Variants in ARHGEF3 observed in about 807,000 individuals in gnomAD.
ARHGEF3 encodes the protein Rho guanine nucleotide exchange factor 3, also known as 59.8 kDA protein.
Under a neutral mutation model 63.2 loss-of-function variants are expected in ARHGEF3, and 28 were observed. That is an observed-to-expected ratio of 0.44 (90% CI 0.33 to 0.61). The LOEUF is 0.61. Among genes scored for constraint, ARHGEF3 ranks in the 20% least tolerant of loss-of-function variants. ARHGEF3 has a pLI of 0.03. For synonymous variants in ARHGEF3, 266 were observed against 254.2 expected, an observed-to-expected ratio of 1.05 and a Z score of -0.44; for missense variants, 533 against 659.3, an observed-to-expected ratio of 0.81 and a Z score of 2.10.
rs542390183 is a variant in ARHGEF3, at chr3:56,797,283, A to G, written c.96+4420T>C. Among the ~76,000 whole-genome samples the G allele has an allele frequency of 3.3e-5, 5 of 152,322 alleles. No individual in the cohort carries two copies. The South Asian group carries it at 1.0e-3, about 32-fold the overall frequency. ...GCATTAAATGTACACATGTAAAGTCAACATATTTTCCTCTTCTGTTGCTAG... is the reference window on the plus strand; with the variant it reads ...GCATTAAATGTACACATGTAAAGTCGACATATTTTCCTCTTCTGTTGCTAG... On this transcript the variant is annotated intron_variant, in intron 1 of 9. Coordinates refer to ENST00000296315, the MANE Select transcript of ARHGEF3 (RefSeq NM_019555.3).
chr3:57,068,566 T>C (rs574925855), intron 1 of ARHGEF3, among the ~76,000 whole-genome samples: 23 of 152,318 alleles, frequency 1.5e-4, no homozygotes, highest in Admixed American at 1.4e-3. Flanking sequence ...TGTGAGTGAT[T>C]TGTTAAGAAA....
Position 56,810,693 on chromosome 3 carries a change from C to CATTTATATTTATAGAGAAATAT in ARHGEF3, c.193-36878_193-36877insATATTTCTCTATAAATATAAAT, listed in dbSNP as rs1392401120. Among the ~76,000 whole-genome samples the CATTTATATTTATAGAGAAATAT allele has an allele frequency of 2.0e-5, 3 of 152,100 alleles. No individual in the cohort carries two copies. The East Asian group carries it at 5.8e-4, about 29-fold the overall frequency. On this transcript the variant is annotated intron_variant, in intron 4 of 12. Coordinates refer to the ARHGEF3 transcript ENST00000338458. ...TCTGGCCTGAATTTGAAAACCCATA[C>CATTTATATTTATAGAGAAATAT]ATTTATAGAGAAATGACTTCTGAGG...
chr3:56,804,601 A>G (rs891439938), upstream of ARHGEF3, among the ~76,000 whole-genome samples: 2 of 152,206 alleles, frequency 1.3e-5, no homozygotes, highest in Admixed American at 6.5e-5. Context: ...GGAGGTTCCA[A>G]CTGAAATTGA....
intron 4 of ARHGEF3, among the ~76,000 whole-genome samples, chr3:56,839,378 G>C (rs772423606): frequency 6.6e-6 from 1 of 151,722 alleles, no homozygotes; most frequent in Non-Finnish European, 1.5e-5. Context: ...TTACACTCCA[G>C]GTAACTCACA....
rs1051666473 is a variant in ARHGEF3, at chr3:56,859,532, C to T, written c.192+22760G>A. Among the ~76,000 whole-genome samples the T allele has an allele frequency of 5.3e-5, 8 of 150,508 alleles. No homozygotes were observed. The South Asian group carries it at 1.7e-3, about 32-fold the overall frequency. On this transcript the variant is annotated intron_variant, in intron 4 of 12. Transcript: ENST00000338458. ...CATCCCTCTTGCCACCCCCTTGGTA[C>T]ACCTTTTTTTTTTTTGAGACAGGGT...
At chr3:56,823,763 T>G (rs1352593470) in intron 4 of ARHGEF3, among the ~76,000 whole-genome samples, 1 of 152,116 alleles carries the variant, frequency 6.6e-6, no homozygotes, top group Non-Finnish European at 1.5e-5. Context: ...CAGCTTCTTA[T>G]GACAAAGCTT....
chr3:56,992,371 G>A (rs966601968), intron 2 of ARHGEF3, among the ~76,000 whole-genome samples: 4 of 81,708 alleles, frequency 4.9e-5, no homozygotes, highest in Non-Finnish European at 9.9e-5. Flanking sequence ...AGGGAGGATG[G>A]CTTTAAAAAA....
At chr3:56,854,190 A>G (rs1003857372) in intron 4 of ARHGEF3, among the ~76,000 whole-genome samples, 1 of 152,128 alleles carries the variant, frequency 6.6e-6, no homozygotes, top group Non-Finnish European at 1.5e-5. Flanking sequence ...GCGAGACTCC[A>G]TCTAAAAAAA....
At chr3:56,975,152 T>A (rs1701073800) in intron 2 of ARHGEF3, among the ~76,000 whole-genome samples, 1 of 152,150 alleles carries the variant, frequency 6.6e-6, no homozygotes, top group South Asian at 2.1e-4. Flanking sequence ...GTGCGGTGGC[T>A]CACACCTGTA....
In ARHGEF3 at chr3:56,878,428, G is replaced by A. The variant is rs745319266; in HGVS notation, c.192+3864C>T. On this transcript the variant is annotated intron_variant, in intron 4 of 12. Coordinates refer to the ARHGEF3 transcript ENST00000338458. ...CAGGAAGTTGGGGGCCCAGTCAGGG[G>A]ATTGGGTGAGGCGGTGGGAAAAAAT... 3.3e-5 allele frequency among the ~76,000 whole-genome samples: 5 copies of A among 152,340 alleles called. No homozygotes were observed. In the South Asian group the frequency reaches 8.3e-4, roughly 25 times the overall value.
chr3:57,037,498 C>T (rs1427620339), intron 1 of ARHGEF3, among the ~76,000 whole-genome samples: 1 of 152,230 alleles, frequency 6.6e-6, no homozygotes, highest in African/African-American at 2.4e-5. Context: ...CTTTGAGGGG[C>T]CACTGGCTAG....
intron 4 of ARHGEF3, among the ~76,000 whole-genome samples, chr3:56,844,430 T>C (rs911720361): frequency 2.6e-5 from 4 of 152,178 alleles, no homozygotes; most frequent in African/African-American, 9.7e-5. Flanking sequence ...GAATCTTGTC[T>C]GCCTCTGTTA....
At chr3:56,739,396 C>CTTTTTTTTTTT (rs11309388) in intron 7 of ARHGEF3, among the ~76,000 whole-genome samples, 1 of 133,430 alleles carries the variant, frequency 7.5e-6, no homozygotes. Flanking sequence ...AATTATTTTC[C>CTTTTTTTTTTT]TTTTTTTTTT....
chr3:57,063,631 A>C (rs1184482457), intron 1 of ARHGEF3, among the ~76,000 whole-genome samples: 2 of 152,174 alleles, frequency 1.3e-5, no homozygotes, highest in Non-Finnish European at 2.9e-5. Flanking sequence ...TGGGAAGAGG[A>C]TCAGGAGAGT....
At chr3:56,822,025 G>GAAGAGAAGAGAAGAA (rs2038522955) in intron 4 of ARHGEF3, among the ~76,000 whole-genome samples, 1 of 119,176 alleles carries the variant, frequency 8.4e-6, no homozygotes, top group Admixed American at 7.9e-5. Flanking sequence ...GAAGAGAAGA[G>GAAGAGAAGAGAAGAA]AAGAGAAGCG....
At chr3:56,967,339 C>T (rs1246949974) in intron 2 of ARHGEF3, among the ~76,000 whole-genome samples, 1 of 70,366 alleles carries the variant, frequency 1.4e-5, no homozygotes, top group Non-Finnish European at 3.0e-5. Context: ...ATATATTGTA[C>T]ATATCATATA....
intron 2 of ARHGEF3, among the ~76,000 whole-genome samples, chr3:56,969,372 T>G (rs1700805418): frequency 1.8e-5 from 2 of 113,896 alleles, no homozygotes; most frequent in Non-Finnish European, 3.8e-5. Flanking sequence ...AAAGAAGTGT[T>G]CTTTTTTTCT....
chr3:56,905,836 G>A (rs958876361), intron 3 of ARHGEF3, among the ~76,000 whole-genome samples: 1 of 152,144 alleles, frequency 6.6e-6, no homozygotes, highest in Admixed American at 6.6e-5. Flanking sequence ...TGTCCAATAC[G>A]GGAGCCACTA....
At chr3:57,056,455 T>A (rs912104753) in intron 1 of ARHGEF3, among the ~76,000 whole-genome samples, 40 of 147,942 alleles carry the variant, frequency 2.7e-4, no homozygotes, top group African/African-American at 8.8e-4. Flanking sequence ...CTCCCTGCAA[T>A]GTTTGAGCCA....
Sources: allele counts gnomAD v4.1 joint callset (sites outside exome capture counted in the v4.1 genomes callset), GRCh38; gene constraint gnomAD v4.1.1; transcripts MANE v1.5; gene names NCBI Gene and HGNC (gene_info 2026-07-23, HGNC 2026-07-21).